THOC3: variants seen among roughly 807,000 people sequenced by gnomAD.
The protein encoded by THOC3 is TEX1 homolog.
THOC3 carries 4 observed loss-of-function variants against 23.3 expected under a neutral mutation model. The observed-to-expected ratio is 0.17, with a 90% CI of 0.08 to 0.39. THOC3 has a LOEUF of 0.39. Ranked by LOEUF, THOC3 falls within the 10% of genes least tolerant of loss-of-function variation. The probability of loss-of-function intolerance (pLI) is 1.00; values close to 1 mark genes in which losing one functional copy is unlikely to be tolerated. For synonymous variants in THOC3, 27 were observed against 141.5 expected (o/e 0.19, Z 5.74); for missense variants, 64 against 359.4 (o/e 0.18, Z 6.65).
rs764244686 is a variant in THOC3, at chr5:175,968,065, C to T, written c.144G>A (p.Thr48=). ...TGGCGCTGTGCGCCAGGAACTCGCG[C>T]GTCTTGCTGTGGCCCCGGAACAGCT... ...MQELFRGHSK[T]REFLAHSAKV... The change falls in exon 1 of 6, where the codon ACG becomes ACA. Residue 48 remains threonine, a synonymous_variant. Coordinates refer to ENST00000265097, the MANE Select transcript of THOC3 (RefSeq NM_032361.4). 6 of 1,611,632 alleles carry T rather than the reference C, an allele frequency of 3.7e-6. No individual in the cohort carries two copies. The South Asian group carries it at 6.6e-5, about 18-fold the overall frequency.
intron 3 of THOC3, among the ~76,000 whole-genome samples, chr5:175,964,017 G>C (rs1182614269): frequency 6.6e-6 from 1 of 152,296 alleles, no homozygotes; most frequent in Non-Finnish European, 1.5e-5. Flanking sequence ...TATCTCACTT[G>C]GTCTTGCATT....
intron 2 of THOC3, among the ~76,000 whole-genome samples, chr5:175,965,608 G>A (rs1756750332): frequency 6.6e-6 from 1 of 152,218 alleles, no homozygotes; most frequent in South Asian, 2.1e-4. Flanking sequence ...TGTATTTTTA[G>A]TAGAGACGGG....
At chr5:175,962,417 T>TACACACAC (rs775994149) in intron 3 of THOC3, among the ~76,000 whole-genome samples, 449 of 41,338 alleles carry the variant, frequency 0.011, 5 homozygotes, top group African/African-American at 0.018. Flanking sequence ...AATATATATA[T>TACACACAC]ATATACACAC....
rs1287067748 is a variant in THOC3, at chr5:175,959,554, T to C, written c.*415A>G. ...AGTTCCATAATAACAAAAGTCAGTT[T>C]ATTAAATGCTCAATTCTCAAAATTA... On this transcript the variant is annotated 3_prime_UTR_variant, in exon 6 of 6. Transcript: ENST00000265097. The C allele has an allele frequency of 6.8e-6, 1 of 147,636 alleles. No homozygotes were observed. Among genetic ancestry groups the C allele is most frequent in the Non-Finnish European group, 1.5e-5 (1 of 67,460 alleles). 9.1% of individuals were successfully genotyped at this position (147,636 alleles called of 1,614,324 possible). A position where few individuals can be genotyped will look rare whatever the true frequency, so the allele number is the denominator to read the frequency against.
At position 175,962,417 on chromosome 5, in the gene THOC3, T is replaced by TACACACACACACAC. The variant is rs775994149; in HGVS notation, c.630-984_630-983insGTGTGTGTGTGTGT. The stretch of plus-strand genomic sequence containing the variant: ...GGTATTTTATCTTTAAATATATATA[T>TACACACACACACAC]ATATACACACACACACACACACACA... On this transcript the variant is annotated intron_variant, in intron 3 of 5. Coordinates refer to ENST00000265097, the MANE Select transcript of THOC3 (RefSeq NM_032361.4). 9.9e-3 allele frequency among the ~76,000 whole-genome samples: 414 copies of TACACACACACACAC among 41,614 alleles called. 10 individuals carry two copies. The highest frequency in any genetic ancestry group is 0.019 in the Middle Eastern group (1 of 54). 27.3% of individuals were successfully genotyped at this position (41,614 alleles called of 152,430 possible).
chr5:175,963,941 C>G (rs1185845320), intron 3 of THOC3, among the ~76,000 whole-genome samples: 2 of 152,306 alleles, frequency 1.3e-5, no homozygotes, highest in Admixed American at 6.5e-5. Context: ...TTCAACCCCC[C>G]ATATAGTATG....
chr5:175,964,057 TG>T (rs1387757920), intron 3 of THOC3, among the ~76,000 whole-genome samples: 8 of 151,738 alleles, frequency 5.3e-5, no homozygotes, highest in African/African-American at 1.9e-4. Context: ...AGGCTAGAAT[TG>T]AACAGACCTG....
At chr5:175,967,522 T>TACCACCAACGTACC (rs1756790249) in intron 1 of THOC3, 2 of 304,710 alleles carry the variant, frequency 6.6e-6, no homozygotes, top group African/African-American at 7.1e-5. Context: ...ACCCTTACTC[T>TACCACCAACGTACC]ACCACCAACG....
rs573206117 is a variant in THOC3 at position 175,967,695 on chromosome 5, A to G, written c.267+247T>C. 3.2e-4 allele frequency among the ~76,000 whole-genome samples: 33 copies of G among 103,526 alleles called. 1 individual carries two copies. The highest frequency in any genetic ancestry group is 9.5e-4 in the African/African-American group (30 of 31,480). 67.9% of individuals were successfully genotyped at this position (103,526 alleles called of 152,430 possible). On this transcript the variant is annotated intron_variant, in intron 1 of 5. Transcript: ENST00000265097. Reference sequence around the variant, plus strand: ...TCCTCACCTTCACCCGCCATCGCCAACCTCCTTACTTCCACACTCTTCACA... The same window carrying G: ...TCCTCACCTTCACCCGCCATCGCCAGCCTCCTTACTTCCACACTCTTCACA...
intron 3 of THOC3, 123 bp downstream of exon 3, chr5:175,964,828 G>A: frequency 1.8e-6 from 1 of 545,946 alleles, no homozygotes; most frequent in Non-Finnish European, 3.2e-6. Flanking sequence ...AGACAGGTTA[G>A]GATTCTCTCT....
rs1341174072 is a variant in THOC3 at position 175,968,076 on chromosome 5, G to A, written c.133C>T (p.His45Tyr). ...GCCAGGAACTCGCGCGTCTTGCTGT[G>A]GCCCCGGAACAGCTCCTGCATCCCA... is the stretch of plus-strand genomic sequence containing the variant. ...VLGMQELFRG[H>Y]SKTREFLAHS... The change falls in exon 1 of 6, where the codon CAC (histidine) becomes TAC (tyrosine). Residue 45 changes from histidine (H) to tyrosine (Y), a missense_variant. By Grantham distance (83) the His-to-Tyr change is moderately conservative. Coordinates refer to ENST00000265097, the MANE Select transcript of THOC3 (RefSeq NM_032361.4). 4.3e-6 allele frequency: 7 copies of A among 1,611,328 alleles called. No individual in the cohort carries two copies. The highest frequency in any genetic ancestry group is 5.9e-6 in the Non-Finnish European group (7 of 1,179,668).
At chr5:175,960,542 T>C (rs889540902) in intron 5 of THOC3, 1 of 158,864 alleles carries the variant, frequency 6.3e-6, no homozygotes, top group Non-Finnish European at 1.3e-5. Context: ...TTACGAAGAG[T>C]GTCAAAGATT....
chr5:175,965,191 T>C, intron 2 of THOC3, 36 bp from the exon 3 acceptor site: 2 of 1,612,352 alleles, frequency 1.2e-6, no homozygotes, highest in East Asian at 4.5e-5. Flanking sequence ...GATAATCTGT[T>C]TGCTCATAAT....
At chr5:175,963,421 G>A (rs1470349381) in intron 3 of THOC3, among the ~76,000 whole-genome samples, 3 of 151,938 alleles carry the variant, frequency 2.0e-5, no homozygotes, top group African/African-American at 4.8e-5. Flanking sequence ...CTGCACATGT[G>A]GTAGATAAAC....
intron 3 of THOC3, among the ~76,000 whole-genome samples, chr5:175,962,575 A>AGTGAT (rs1267397411): frequency 6.9e-6 from 1 of 144,250 alleles, no homozygotes; most frequent in African/African-American, 2.6e-5. Context: ...AGAATGCTGG[A>AGTGAT]GTGCAGTGGT....
rs1756719501 is a variant in THOC3 at position 175,964,149 on chromosome 5, A to G, written c.629+802T>C. ...CTACGTGGAGCAGGTACAGGACTAG[A>G]CATTAGGGACTCAACACTAAACAAG... is the stretch of plus-strand genomic sequence containing the variant. On this transcript the variant is annotated intron_variant, in intron 3 of 5. Coordinates refer to ENST00000265097, the MANE Select transcript of THOC3 (RefSeq NM_032361.4). 2.6e-5 allele frequency among the ~76,000 whole-genome samples: 4 copies of G among 152,374 alleles called. No individual in the cohort carries two copies. In the South Asian group the frequency reaches 8.3e-4, roughly 32 times the overall value.
chr5:175,963,086 A>C (rs1168515910), intron 3 of THOC3, among the ~76,000 whole-genome samples: 1 of 152,238 alleles, frequency 6.6e-6, no homozygotes, highest in Non-Finnish European at 1.5e-5. Flanking sequence ...TAAAAAAAAA[A>C]CACCTAACTG....
At chr5:175,965,994 T>C (rs1310864638) in intron 2 of THOC3, among the ~76,000 whole-genome samples, 1 of 152,192 alleles carries the variant, frequency 6.6e-6, no homozygotes, top group Non-Finnish European at 1.5e-5. Flanking sequence ...GAGTTCAAGA[T>C]CAGCCTGGGC....
At chr5:175,965,671 C>T (rs572918532) in intron 2 of THOC3, among the ~76,000 whole-genome samples, 27 of 152,302 alleles carry the variant, frequency 1.8e-4, no homozygotes, top group Admixed American at 1.1e-3. Context: ...GTGATCCGCC[C>T]GCCTCGGCCT....
Sources: gnomAD v4.1 joint callset for allele counts (sites outside exome capture counted in the v4.1 genomes callset) on GRCh38, gnomAD v4.1.1 for gene constraint, MANE v1.5 for transcripts, NCBI Gene and HGNC (gene_info 2026-07-23, HGNC 2026-07-21) for gene names.